Variants in ALK observed in about 807,000 individuals in gnomAD.
The protein encoded by ALK is ALK receptor tyrosine kinase.
In ALK, 74 loss-of-function variants were observed where a neutral mutation model predicts 163.1. The ratio of observed to expected loss-of-function variants is 0.45; its 90% CI spans 0.38 to 0.55. The LOEUF (loss-of-function observed/expected upper bound fraction) is 0.55, where lower values mean the gene tolerates loss of function less well. ALK is among the 20% of genes least tolerant of loss of function. ALK has a pLI of 0.00. For synonymous variants in ALK, 960 were observed against 843.2 expected (o/e 1.14, Z -2.40); for missense variants, 2,063 against 2,105.3 (o/e 0.98, Z 0.39).
intron 4 of ALK, among the ~76,000 whole-genome samples, chr2:29,458,594 G>T (rs1671014226): frequency 6.6e-6 from 1 of 152,008 alleles, no homozygotes; most frequent in Non-Finnish European, 1.5e-5. Flanking sequence ...AGAATGCATT[G>T]GGAATTTCCT....
At chr2:29,609,489 A>T (rs188466235) in intron 3 of ALK, among the ~76,000 whole-genome samples, 1 of 152,170 alleles carries the variant, frequency 6.6e-6, no homozygotes, top group African/African-American at 2.4e-5. Flanking sequence ...ACACATCCAA[A>T]ATTAATAAAA....
At chr2:29,607,586 C>T (rs1675572664) in intron 3 of ALK, among the ~76,000 whole-genome samples, 1 of 152,212 alleles carries the variant, frequency 6.6e-6, no homozygotes, top group Non-Finnish European at 1.5e-5. Flanking sequence ...ATAGTCAAGG[C>T]TCAGCTTCTG....
chr2:29,788,477 C>T (rs559889221), intron 1 of ALK, among the ~76,000 whole-genome samples: 8 of 152,118 alleles, frequency 5.3e-5, no homozygotes, highest in East Asian at 1.9e-4. Flanking sequence ...GATGGACTCC[C>T]GGGTCTGGGA....
At chr2:29,552,824 G>A (rs937433809) in intron 3 of ALK, among the ~76,000 whole-genome samples, 2 of 152,072 alleles carry the variant, frequency 1.3e-5, no homozygotes, top group Non-Finnish European at 2.9e-5. Context: ...TCTGCCTCTG[G>A]GATAAAAAGT....
chr2:29,530,062 CTTTTTT>C lies in ALK; in HGVS notation c.1154+1847_1154+1852del, dbSNP rs10536963. Among the ~76,000 whole-genome samples the C allele has an allele frequency of 8.0e-3, 820 of 101,904 alleles. 7 individuals are homozygous for C. Among genetic ancestry groups the C allele is most frequent in the African/African-American group, 0.024 (673 of 28,462 alleles). The allele number at this position is 101,904 out of a possible 152,430, so 66.9% of individuals were successfully genotyped here. A position where few individuals can be genotyped will look rare whatever the true frequency, so the allele number is the denominator to read the frequency against. The stretch of plus-strand genomic sequence containing the variant: ...GGATCAAATAATCAAAATAATCGCT[CTTTTTT>C]TTTTTTTTTTTTTTTTGCAAGATTC... On this transcript the variant is annotated intron_variant, in intron 4 of 28. Transcript: ENST00000389048.
chr2:29,675,650 G>C (rs893233041), intron 3 of ALK, among the ~76,000 whole-genome samples: 3 of 151,940 alleles, frequency 2.0e-5, no homozygotes, highest in Non-Finnish European at 4.4e-5. Flanking sequence ...ATCCATGCCT[G>C]CTGCTTACAT....
At chr2:29,844,316 C>T (rs980295504) in intron 1 of ALK, among the ~76,000 whole-genome samples, 4 of 152,148 alleles carry the variant, frequency 2.6e-5, no homozygotes, top group African/African-American at 9.7e-5. Context: ...AGAGAATGAG[C>T]AGTGCCCCCC....
In ALK at chr2:29,246,288, C is replaced by G. The variant is rs1348329282; in HGVS notation, c.2204+4817G>C. On this transcript the variant is annotated intron_variant, in intron 12 of 28. Transcript: ENST00000389048. This position sits in a 1 kb window ranked among gnomAD's most constrained non-coding sequence, Gnocchi z 4.3. The stretch of plus-strand genomic sequence containing the variant: ...GGCGGGCTGGGCTGAGTGCTGGCGC[C>G]TCTGCCTGTGGCAGGCCACCCGTGG... Among the ~76,000 whole-genome samples the G allele has an allele frequency of 6.6e-6, 1 of 152,120 alleles. No individual in the cohort carries two copies. Among genetic ancestry groups the G allele is most frequent in the Non-Finnish European group, 1.5e-5 (1 of 67,988 alleles).
intron 3 of ALK, among the ~76,000 whole-genome samples, chr2:29,567,426 C>T (rs969451882): frequency 3.3e-5 from 5 of 152,212 alleles, no homozygotes; most frequent in Non-Finnish European, 7.3e-5. Context: ...TCCATATTCT[C>T]CACATCCCCA....
intron 5 of ALK, 132 bp from the exon 6 acceptor site, chr2:29,328,613 T>A: frequency 8.1e-7 from 1 of 1,238,372 alleles, no homozygotes; most frequent in Non-Finnish European, 1.2e-6. Flanking sequence ...CTCCAAGGCC[T>A]GATTGAGACA....
chr2:29,706,605 T>C (rs1678917557), intron 2 of ALK, among the ~76,000 whole-genome samples: 1 of 152,168 alleles, frequency 6.6e-6, no homozygotes, highest in Non-Finnish European at 1.5e-5. Flanking sequence ...CTTCCATCAA[T>C]CAATTACATG....
At chr2:29,523,876 T>C (rs1205982451) in intron 4 of ALK, among the ~76,000 whole-genome samples, 8 of 146,146 alleles carry the variant, frequency 5.5e-5, no homozygotes, top group Admixed American at 4.1e-4. Context: ...TTTTTTTTTT[T>C]TTTTTTTTTT....
intron 24 of ALK, among the ~76,000 whole-genome samples, chr2:29,213,570 G>T (rs954814113): frequency 6.6e-6 from 1 of 152,204 alleles, no homozygotes; most frequent in East Asian, 1.9e-4. Context: ...ACAGGCAGGG[G>T]TCCTCACAGG....
intron 4 of ALK, among the ~76,000 whole-genome samples, chr2:29,385,515 G>A (rs1300918073): frequency 6.6e-6 from 1 of 151,540 alleles, no homozygotes; most frequent in Non-Finnish European, 1.5e-5. Flanking sequence ...TCAGCCTCCT[G>A]AGTAGCTGGG....
intron 4 of ALK, among the ~76,000 whole-genome samples, chr2:29,529,152 C>T (rs1435574013): frequency 5.9e-5 from 9 of 152,116 alleles, no homozygotes; most frequent in South Asian, 4.1e-4. Context: ...GCACGACAGC[C>T]GGCACCACCT....
chr2:29,638,419 T>C (rs1676606685), intron 3 of ALK, among the ~76,000 whole-genome samples: 1 of 151,988 alleles, frequency 6.6e-6, no homozygotes, highest in South Asian at 2.1e-4. Flanking sequence ...GCAATCTTCA[T>C]TTTGTTTGGG....
intron 1 of ALK, among the ~76,000 whole-genome samples, chr2:29,765,678 A>C (rs1347512376): frequency 6.6e-6 from 1 of 152,142 alleles, no homozygotes; most frequent in African/African-American, 2.4e-5. Flanking sequence ...TCAATTTTAA[A>C]AACTTGGAAA....
chr2:29,639,861 A>G (rs193113096), intron 3 of ALK, among the ~76,000 whole-genome samples: 2 of 152,336 alleles, frequency 1.3e-5, no homozygotes, highest in African/African-American at 2.4e-5. Context: ...ACAACATCCT[A>G]TGAAAGTTCA....
At chr2:29,711,187 C>A (rs778870579) in intron 2 of ALK, among the ~76,000 whole-genome samples, 1 of 152,308 alleles carries the variant, frequency 6.6e-6, no homozygotes, top group Non-Finnish European at 1.5e-5. Flanking sequence ...CCTGAGCATT[C>A]TCAGAGTAAC....
Sources: allele counts gnomAD v4.1 joint callset (sites outside exome capture counted in the v4.1 genomes callset), GRCh38; gene constraint gnomAD v4.1.1; non-coding constraint Gnocchi (gnomAD v3.1); transcripts MANE v1.5; gene names NCBI Gene and HGNC (gene_info 2026-07-23, HGNC 2026-07-21).